ABTB3: variants seen among roughly 807,000 people sequenced by gnomAD.
ABTB3 encodes the protein ankyrin repeat and BTB domain containing 3, also known as ankyrin repeat- and BTB/POZ domain-containing protein 3.
the ABTB3 span, among the ~76,000 whole-genome samples, chr12:107,440,110 A>G: frequency 2.6e-5 from 4 of 152,214 alleles, no homozygotes; most frequent in Non-Finnish European, 5.9e-5. Context: ...ACAATCCAGC[A>G]GGGAAGGGTT....
At chr12:107,378,709 G>A in the ABTB3 span, among the ~76,000 whole-genome samples, 5 of 152,068 alleles carry the variant, frequency 3.3e-5, no homozygotes, top group East Asian at 1.9e-4. Flanking sequence ...TTGTCACAAC[G>A]CATCCTGACT....
chr12:107,618,273 T>C, the ABTB3 span: 1 of 1,613,510 alleles, frequency 6.2e-7, no homozygotes. Context: ...GCCCCCCTTG[T>C]GCGCCAGCCG....
At chr12:107,656,992 G>A in the ABTB3 span, among the ~76,000 whole-genome samples, 4 of 152,138 alleles carry the variant, frequency 2.6e-5, no homozygotes, top group African/African-American at 4.8e-5. Context: ...GCAGTGAGCC[G>A]AGATCATGCC....
the ABTB3 span, among the ~76,000 whole-genome samples, chr12:107,466,707 A>G: frequency 2.0e-5 from 3 of 152,076 alleles, no homozygotes; most frequent in Admixed American, 6.5e-5. Flanking sequence ...AAGAGCATGC[A>G]GGGCCTCTGG....
At chr12:107,548,186 T>TCTCTCTCTCTC in the ABTB3 span, among the ~76,000 whole-genome samples, 2 of 151,490 alleles carry the variant, frequency 1.3e-5, no homozygotes, top group African/African-American at 2.4e-5. Context: ...CTCTCCTCTC[T>TCTCTCTCTCTC]CCTGTGTTCT....
At chr12:107,357,650 C>T in the ABTB3 span, among the ~76,000 whole-genome samples, 3 of 152,202 alleles carry the variant, frequency 2.0e-5, no homozygotes, top group Admixed American at 2.0e-4. Flanking sequence ...TAAGTGATAT[C>T]TGCTTACTGA....
At chr12:107,544,274 C>T in the ABTB3 span, 96 of 914,224 alleles carry the variant, frequency 1.1e-4, 3 homozygotes, top group African/African-American at 8.4e-4. Context: ...CCGGTGGGAA[C>T]CTTGCACCCT....
the ABTB3 span, among the ~76,000 whole-genome samples, chr12:107,324,140 AATG>A: frequency 6.6e-6 from 1 of 152,226 alleles, no homozygotes; most frequent in Admixed American, 6.5e-5. Context: ...TAGGTGCTAA[AATG>A]ATGATGATAG....
the ABTB3 span, among the ~76,000 whole-genome samples, chr12:107,417,518 C>T: frequency 2.6e-5 from 4 of 152,206 alleles, no homozygotes; most frequent in Non-Finnish European, 5.9e-5. Context: ...CTCCCAAGTC[C>T]CTTAAATGGG....
At chr12:107,341,375 G>T in the ABTB3 span, among the ~76,000 whole-genome samples, 1 of 152,132 alleles carries the variant, frequency 6.6e-6, no homozygotes, top group African/African-American at 2.4e-5. Flanking sequence ...GAATGCCACT[G>T]CCCCAACCCC....
the ABTB3 span, among the ~76,000 whole-genome samples, chr12:107,568,580 G>A: frequency 5.3e-5 from 8 of 152,080 alleles, no homozygotes; most frequent in Non-Finnish European, 7.4e-5. Context: ...ATAACATTTC[G>A]AATCTTGAGT....
the ABTB3 span, among the ~76,000 whole-genome samples, chr12:107,517,785 G>C: frequency 0.018 from 2,731 of 152,252 alleles, 78 homozygotes; most frequent in African/African-American, 0.062. Flanking sequence ...AAACTAAAGA[G>C]CTTCTGCACA....
At chr12:107,329,089 T>A in the ABTB3 span, among the ~76,000 whole-genome samples, 2 of 152,156 alleles carry the variant, frequency 1.3e-5, no homozygotes, top group South Asian at 4.1e-4. Context: ...ATACCCTGCC[T>A]AGCTGGGTGG....
At chr12:107,441,042 G>A in the ABTB3 span, among the ~76,000 whole-genome samples, 1 of 152,170 alleles carries the variant, frequency 6.6e-6, no homozygotes, top group African/African-American at 2.4e-5. Context: ...TGAAATGCCC[G>A]AGCCTGGTGC....
the ABTB3 span, among the ~76,000 whole-genome samples, chr12:107,345,759 G>T: frequency 3.9e-5 from 6 of 152,204 alleles, no homozygotes; most frequent in Non-Finnish European, 8.8e-5. Context: ...ACTGTGGGCA[G>T]GTGTTGGCAG....
the ABTB3 span, among the ~76,000 whole-genome samples, chr12:107,655,196 G>A: frequency 6.6e-6 from 1 of 152,120 alleles, no homozygotes; most frequent in Non-Finnish European, 1.5e-5. Context: ...CTGATGGGAT[G>A]TGAGCCCCGG....
the ABTB3 span, chr12:107,319,899 C>T: frequency 4.4e-6 from 6 of 1,368,972 alleles, no homozygotes; most frequent in African/African-American, 4.5e-5. Context: ...CCGGCCGCCG[C>T]GGCCGCCGCA....
the ABTB3 span, among the ~76,000 whole-genome samples, chr12:107,382,218 G>T: frequency 6.6e-6 from 1 of 152,192 alleles, no homozygotes; most frequent in Admixed American, 6.5e-5. Context: ...TACTAGGAAT[G>T]AGTTTGGATG....
At chr12:107,499,278 A>T in the ABTB3 span, among the ~76,000 whole-genome samples, 1 of 152,092 alleles carries the variant, frequency 6.6e-6, no homozygotes, top group East Asian at 1.9e-4. Flanking sequence ...CTGGGCAAAA[A>T]GTGTGTCATT....
Sources: gnomAD v4.1 joint callset for allele counts (sites outside exome capture counted in the v4.1 genomes callset) on GRCh38, gnomAD v4.1.1 for gene constraint, MANE v1.5 for transcripts, NCBI Gene and HGNC (gene_info 2026-07-23, HGNC 2026-07-21) for gene names.